The following NUDT13 variants were observed in gnomAD, a reference collection of about 807,000 sequenced individuals.
NUDT13 encodes the protein NAD(P)H pyrophosphatase NUDT13, mitochondrial.
NUDT13 carries 40 observed loss-of-function variants against 41.7 expected under a neutral mutation model. The ratio of observed to expected loss-of-function variants is 0.96; its 90% CI spans 0.75 to 1.25. NUDT13 has a LOEUF of 1.25. Among genes scored for constraint, NUDT13 ranks in the 50% most tolerant of loss-of-function variants. NUDT13 has a pLI of 0.00. For synonymous variants in NUDT13, 145 were observed against 155.5 expected (o/e 0.93, Z 0.50); for missense variants, 390 against 416.1 (o/e 0.94, Z 0.55).
At chr10:73,115,735 C>T (rs1842491473) in intron 2 of NUDT13, among the ~76,000 whole-genome samples, 1 of 151,962 alleles carries the variant, frequency 6.6e-6, no homozygotes, top group Non-Finnish European at 1.5e-5. Context: ...ATGAAAAAAA[C>T]TGTATTGAAT....
intron 1 of NUDT13, among the ~76,000 whole-genome samples, chr10:73,113,654 G>T (rs1042587657): frequency 5.9e-5 from 9 of 152,134 alleles, no homozygotes; most frequent in Admixed American, 2.6e-4. Context: ...ATACTTTGTT[G>T]AATGTCATTT....
intron 8 of NUDT13, among the ~76,000 whole-genome samples, chr10:73,129,167 CTTTTTTTT>C (rs900393888): frequency 9.1e-6 from 1 of 110,210 alleles, no homozygotes; most frequent in African/African-American, 3.6e-5. Context: ...AAGACGTTGT[CTTTTTTTT>C]TTTTTTTTTT....
At chr10:73,130,200 C>CA (rs1230479553) in intron 8 of NUDT13, 1 of 151,452 alleles carries the variant, frequency 6.6e-6, no homozygotes, top group Non-Finnish European at 1.5e-5. Flanking sequence ...CAGTGGCTCA[C>CA]ACCTGTAATC....
intron 3 of NUDT13, among the ~76,000 whole-genome samples, chr10:73,120,664 C>T (rs12250423): frequency 0.011 from 1,621 of 152,186 alleles, 27 homozygotes; most frequent in African/African-American, 0.032. Flanking sequence ...CATGGCCAGG[C>T]GCGGTGGCTC....
At chr10:73,118,510 AG>A (rs1842568430) in intron 2 of NUDT13, among the ~76,000 whole-genome samples, 1 of 152,172 alleles carries the variant, frequency 6.6e-6, no homozygotes, top group South Asian at 2.1e-4. Flanking sequence ...CCAAGGCCCC[AG>A]GGGAGTCTGC....
chr10:73,118,023 G>C (rs577018035), intron 2 of NUDT13, among the ~76,000 whole-genome samples: 2 of 152,282 alleles, frequency 1.3e-5, no homozygotes, highest in African/African-American at 4.8e-5. Flanking sequence ...CTTAACCTGG[G>C]TGTTTTTGTA....
chr10:73,128,938 T>C (rs900444676), intron 8 of NUDT13, among the ~76,000 whole-genome samples: 2 of 152,168 alleles, frequency 1.3e-5, no homozygotes, highest in African/African-American at 4.8e-5. Flanking sequence ...AACGGTCCGA[T>C]TTCATTCTTT....
intron 7 of NUDT13, 42 bp from the exon 8 acceptor site, chr10:73,126,631 C>A (rs1238716421): frequency 1.9e-6 from 3 of 1,599,032 alleles, no homozygotes; most frequent in Non-Finnish European, 2.6e-6. Context: ...TATCACCCTT[C>A]TAGCCTACAG....
intron 6 of NUDT13, 76 bp downstream of exon 6, chr10:73,125,319 A>G: frequency 1.9e-6 from 3 of 1,601,700 alleles, no homozygotes; most frequent in East Asian, 2.2e-5. Context: ...AGCCTGTGCA[A>G]TTCCTTAATT....
intron 8 of NUDT13, among the ~76,000 whole-genome samples, chr10:73,127,511 TA>T (rs1202860634): frequency 6.6e-6 from 1 of 151,948 alleles, no homozygotes; most frequent in African/African-American, 2.4e-5. Flanking sequence ...TATTTTATTT[TA>T]TTTTTTTTGA....
intron 4 of NUDT13, among the ~76,000 whole-genome samples, chr10:73,123,424 T>TA (rs1412493737): frequency 1.3e-5 from 2 of 152,084 alleles, no homozygotes; most frequent in African/African-American, 4.8e-5. Context: ...GAGGTTCACA[T>TA]AGGAGCCATG....
Position 73,125,555 on chromosome 10 carries a change from T to C in NUDT13, c.703+46T>C, listed in dbSNP as rs182832274. On this transcript the variant is annotated intron_variant, in intron 7 of 8. Transcript: ENST00000357321. ...ACAGGTGACACTGGAAGATATACAATCTTACTAATACAATCTTCTCTGTCT... is the reference window on the plus strand; with the variant it reads ...ACAGGTGACACTGGAAGATATACAACCTTACTAATACAATCTTCTCTGTCT... 7.1e-5 allele frequency: 86 copies of C among 1,215,722 alleles called. No individual in the cohort carries two copies. In the East Asian group the frequency reaches 1.3e-3, roughly 19 times the overall value. 75.3% of individuals were successfully genotyped at this position (1,215,722 alleles called of 1,614,324 possible). A position where few individuals can be genotyped will look rare whatever the true frequency, so the allele number is the denominator to read the frequency against.
rs570503019 is a variant in NUDT13 at position 73,121,300 on chromosome 10, T to C, written c.224-875T>C. Among the ~76,000 whole-genome samples, 11 of 152,332 alleles carry C rather than the reference T, an allele frequency of 7.2e-5. No homozygotes were observed. The South Asian group carries it at 2.3e-3, about 32-fold the overall frequency. On this transcript the variant is annotated intron_variant, in intron 3 of 8. Transcript: ENST00000357321. ...CAGTTTTATATGAGTCACTATATAC[T>C]AACTTCCGTATTGCCAGTGAATTTC...
chr10:73,127,335 C>T (rs557473946), intron 8 of NUDT13, among the ~76,000 whole-genome samples: 43 of 151,402 alleles, frequency 2.8e-4, no homozygotes, highest in Non-Finnish European at 4.7e-4. Flanking sequence ...GCTGAGGTCG[C>T]GCTACTGCAC....
At chr10:73,130,444 CAGAG>C (rs571587932) in intron 8 of NUDT13, 1 of 153,898 alleles carries the variant, frequency 6.5e-6, no homozygotes, top group African/African-American at 2.6e-5. Flanking sequence ...GCCTGGGCAA[CAGAG>C]AGAGACTCCG....
Position 73,131,044 on chromosome 10 carries a change from C to A in NUDT13, c.*141C>A. 1 of 617,592 alleles carries A rather than the reference C, an allele frequency of 1.6e-6. No homozygotes were observed. Among genetic ancestry groups the A allele is most frequent in the Non-Finnish European group, 2.8e-6 (1 of 356,384 alleles). The allele number at this position is 617,592 out of a possible 1,614,324, so 38.3% of individuals were successfully genotyped here. ...CAAAGGGTGAGCCTACAGTAAGACA[C>A]TTCTATCAGCAGTGTTAATGGAAGA... On this transcript the variant is annotated 3_prime_UTR_variant, in exon 9 of 9. Transcript: ENST00000357321.
intron 7 of NUDT13, 151 bp from the exon 8 acceptor site, chr10:73,126,522 C>A (rs565239418): frequency 2.5e-6 from 2 of 786,318 alleles, no homozygotes; most frequent in East Asian, 5.3e-5. Flanking sequence ...GGACCTGATT[C>A]TTATTGTTGG....
Position 73,118,068 on chromosome 10 carries a change from C to T in NUDT13, c.84-1950C>T, listed in dbSNP as rs544492883. Reference sequence around the variant, plus strand: ...CTTTTTAGGGTCATTAGGGCAAGTACAGGTTGTACCACTCTTTCTGTTCTT... The same window carrying T: ...CTTTTTAGGGTCATTAGGGCAAGTATAGGTTGTACCACTCTTTCTGTTCTT... On this transcript the variant is annotated intron_variant, in intron 2 of 8. Coordinates refer to ENST00000357321, the MANE Select transcript of NUDT13 (RefSeq NM_015901.6). 3.3e-5 allele frequency among the ~76,000 whole-genome samples: 5 copies of T among 152,226 alleles called. No homozygotes were observed. In the East Asian group the frequency reaches 9.6e-4, roughly 29 times the overall value.
chr10:73,131,335 T>G lies in NUDT13; in HGVS notation c.*432T>G, dbSNP rs1227326950. On this transcript the variant is annotated 3_prime_UTR_variant, in exon 9 of 9. Transcript: ENST00000357321. ...AAATATATAGCAAGTTTTAAGTCAT[T>G]ACTGAGTTACTTGTTACCCTTACAG... 10 of 180,938 alleles carry G rather than the reference T, an allele frequency of 5.5e-5. No individual in the cohort carries two copies. In the East Asian group the frequency reaches 1.3e-3, roughly 23 times the overall value. The allele number at this position is 180,938 out of a possible 1,614,324, so 11.2% of individuals were successfully genotyped here. A position where few individuals can be genotyped will look rare whatever the true frequency, so the allele number is the denominator to read the frequency against.
Sources: gnomAD v4.1 joint callset for allele counts (sites outside exome capture counted in the v4.1 genomes callset) on GRCh38, gnomAD v4.1.1 for gene constraint, MANE v1.5 for transcripts, NCBI Gene and HGNC (gene_info 2026-07-23, HGNC 2026-07-21) for gene names.